CAMK4: variants seen among roughly 807,000 people sequenced by gnomAD.
CAMK4 encodes the protein calcium/calmodulin dependent protein kinase IV.
CAMK4 carries 22 observed loss-of-function variants against 44.9 expected under a neutral mutation model. The ratio of observed to expected loss-of-function variants is 0.49; its 90% CI spans 0.35 to 0.70. CAMK4 has a LOEUF of 0.70. Among genes scored for constraint, CAMK4 ranks in the 30% least tolerant of loss-of-function variants. The pLI is 0.01. For synonymous variants in CAMK4, 218 were observed against 215.4 expected, an observed-to-expected ratio of 1.01 and a Z score of -0.11; for missense variants, 498 against 586.8, an observed-to-expected ratio of 0.85 and a Z score of 1.56.
chr5:111,259,089 C>T (rs1044585029), intron 1 of CAMK4, among the ~76,000 whole-genome samples: 3 of 152,094 alleles, frequency 2.0e-5, no homozygotes, highest in Non-Finnish European at 4.4e-5. Flanking sequence ...TCACCCTTCT[C>T]CCAATGAAAT....
At chr5:111,451,707 G>A (rs1165394323) in intron 7 of CAMK4, among the ~76,000 whole-genome samples, 3 of 151,958 alleles carry the variant, frequency 2.0e-5, no homozygotes, top group African/African-American at 7.3e-5. Context: ...AATTCAAGAC[G>A]AGCCTGGCCA....
intron 5 of CAMK4, among the ~76,000 whole-genome samples, chr5:111,407,833 A>C (rs146981390): frequency 2.6e-5 from 4 of 152,318 alleles, no homozygotes; most frequent in Non-Finnish European, 5.9e-5. Flanking sequence ...GGGCTTAAGA[A>C]AGAATGACTA....
intron 1 of CAMK4, among the ~76,000 whole-genome samples, chr5:111,286,526 G>A (rs1433388593): frequency 3.3e-5 from 5 of 152,074 alleles, no homozygotes. Flanking sequence ...TTCAAATGAT[G>A]CTCAGAATGT....
chr5:111,406,277 G>A (rs916184803), intron 5 of CAMK4, among the ~76,000 whole-genome samples: 2 of 151,292 alleles, frequency 1.3e-5, no homozygotes, highest in African/African-American at 4.9e-5. Context: ...CTGGAGTGCA[G>A]TGGTGTGATA....
chr5:111,466,021 CCAGGGATG>C (rs1754815443), intron 7 of CAMK4, among the ~76,000 whole-genome samples: 2 of 152,260 alleles, frequency 1.3e-5, no homozygotes, highest in Admixed American at 6.5e-5. Context: ...GGGTTTCATA[CCAGGGATG>C]CAGGGATGGT....
chr5:111,421,146 C>T (rs1199670314), intron 5 of CAMK4, among the ~76,000 whole-genome samples: 1 of 152,304 alleles, frequency 6.6e-6, no homozygotes, highest in African/African-American at 2.4e-5. Context: ...TCACAATCCA[C>T]GTTCTTCTGC....
chr5:111,285,650 T>G (rs1751210246), intron 1 of CAMK4, among the ~76,000 whole-genome samples: 1 of 152,218 alleles, frequency 6.6e-6, no homozygotes, highest in South Asian at 2.1e-4. Flanking sequence ...TGACTGCAGT[T>G]GTAACTCTTT....
At position 111,394,722 on chromosome 5, in the gene CAMK4, G is replaced by A; in HGVS notation, c.399G>A (p.Lys133=). 3.1e-6 allele frequency: 5 copies of A among 1,611,186 alleles called. No homozygotes were observed. The highest frequency in any genetic ancestry group is 3.4e-6 in the Non-Finnish European group (4 of 1,178,124). ...CTTTTTGTTCCAGGATTGTGGAAAA[G>A]GGATATTACAGTGAGCGAGATGCTG... ...GGELFDRIVE[K]GYYSERDAAD... The change falls in exon 5 of 11, where the codon AAG becomes AAA. Residue 133 remains lysine, a synonymous_variant. Coordinates refer to ENST00000282356, the MANE Select transcript of CAMK4 (RefSeq NM_001744.6).
chr5:111,296,664 T>C (rs1477185248), intron 1 of CAMK4, among the ~76,000 whole-genome samples: 1 of 152,118 alleles, frequency 6.6e-6, no homozygotes, highest in Admixed American at 6.5e-5. Context: ...GAAATTGGGC[T>C]TAGGGTGAAA....
At chr5:111,226,459 G>A (rs139936171) in intron 1 of CAMK4, among the ~76,000 whole-genome samples, 113 of 152,278 alleles carry the variant, frequency 7.4e-4, no homozygotes, top group African/African-American at 2.7e-3. Flanking sequence ...GTCCCAATAA[G>A]CCCACTGTAG....
chr5:111,449,222 A>T lies in CAMK4; in HGVS notation c.625+19A>T. ...TACTGCGGTATGCTCTTTAATAATTATATTTTACTTTTATTGTTATTTGAA... is the reference window on the plus strand; with the variant it reads ...TACTGCGGTATGCTCTTTAATAATTTTATTTTACTTTTATTGTTATTTGAA... On this transcript the variant is annotated intron_variant, in intron 7 of 10. Coordinates refer to ENST00000282356, the MANE Select transcript of CAMK4 (RefSeq NM_001744.6). The T allele has an allele frequency of 8.8e-7, 1 of 1,138,220 alleles. No homozygotes were observed. The highest frequency in any genetic ancestry group is 1.3e-6 in the Non-Finnish European group (1 of 787,670). 70.5% of individuals were successfully genotyped at this position (1,138,220 alleles called of 1,614,324 possible).
intron 7 of CAMK4, among the ~76,000 whole-genome samples, chr5:111,456,842 AATT>A (rs1203668188): frequency 5.9e-5 from 9 of 152,190 alleles, no homozygotes; most frequent in Admixed American, 5.9e-4. Flanking sequence ...ACCTACTTAA[AATT>A]ATTATTCCAA....
At chr5:111,241,083 T>G (rs182813384) in intron 1 of CAMK4, among the ~76,000 whole-genome samples, 41 of 152,242 alleles carry the variant, frequency 2.7e-4, no homozygotes, top group Non-Finnish European at 5.3e-4. Context: ...GTAAAAGCTA[T>G]GCACACACTG....
intron 1 of CAMK4, among the ~76,000 whole-genome samples, chr5:111,233,930 A>T (rs754527955): frequency 3.3e-5 from 5 of 152,202 alleles, no homozygotes; most frequent in Non-Finnish European, 5.9e-5. Context: ...TGTGTAATAC[A>T]ATGAGGTGCT....
rs151150668 is a variant in CAMK4, at chr5:111,285,774, T to C, written c.162-58250T>C. On this transcript the variant is annotated intron_variant, in intron 1 of 10. Coordinates refer to ENST00000282356, the MANE Select transcript of CAMK4 (RefSeq NM_001744.6). ...ATGGTCCAATGATAAAATTAGTGTT[T>C]TTTATCAGCAGGTAAATCTCTACTC... is the stretch of plus-strand genomic sequence containing the variant. Among the ~76,000 whole-genome samples the C allele has an allele frequency of 4.4e-3, 667 of 152,344 alleles. 8 individuals are homozygous for C. The highest frequency in any genetic ancestry group is 0.016 in the African/African-American group (647 of 41,586).
intron 1 of CAMK4, among the ~76,000 whole-genome samples, chr5:111,330,798 T>A (rs193296119): frequency 2.5e-3 from 376 of 151,702 alleles, no homozygotes; most frequent in Non-Finnish European, 3.9e-3. Flanking sequence ...ATAGAGAGAA[T>A]AGAGTCCTGG....
intron 4 of CAMK4, among the ~76,000 whole-genome samples, chr5:111,383,553 TG>T (rs1344177293): frequency 1.3e-5 from 2 of 151,996 alleles, no homozygotes; most frequent in Non-Finnish European, 2.9e-5. Flanking sequence ...TTGAGTTCCA[TG>T]GAGGCAGTAC....
chr5:111,312,529 T>C (rs1041271317), intron 1 of CAMK4, among the ~76,000 whole-genome samples: 5 of 152,188 alleles, frequency 3.3e-5, no homozygotes, highest in Admixed American at 1.3e-4. Context: ...AATTTGTTCA[T>C]GTTTTTTAGG....
At chr5:111,240,178 T>G (rs1159803617) in intron 1 of CAMK4, among the ~76,000 whole-genome samples, 1 of 152,126 alleles carries the variant, frequency 6.6e-6, no homozygotes, top group Non-Finnish European at 1.5e-5. Flanking sequence ...TAACTTTACC[T>G]CTTCTTCATA....
Sources: allele counts gnomAD v4.1 joint callset (sites outside exome capture counted in the v4.1 genomes callset), GRCh38; gene constraint gnomAD v4.1.1; transcripts MANE v1.5; gene names NCBI Gene and HGNC (gene_info 2026-07-23, HGNC 2026-07-21).